The following MAN1A2 variants were observed in gnomAD, a reference collection of about 807,000 sequenced individuals.
The protein encoded by MAN1A2 is mannosidase alpha class 1A member 2.
MAN1A2 carries 26 observed loss-of-function variants against 75.7 expected under a neutral mutation model. The ratio of observed to expected loss-of-function variants is 0.34; its 90% CI spans 0.25 to 0.48. The LOEUF (loss-of-function observed/expected upper bound fraction) is 0.48. Among genes scored for constraint, MAN1A2 ranks in the 20% least tolerant of loss-of-function variants. The pLI, the probability that MAN1A2 is intolerant of heterozygous loss-of-function variation, is 0.99. For missense variants in MAN1A2, 562 were observed against 775.5 expected (o/e 0.72, Z 3.27); for synonymous variants, 247 against 264.6 (o/e 0.93, Z 0.65).
intron 5 of MAN1A2, among the ~76,000 whole-genome samples, chr1:117,431,637 A>G (rs1408461046): frequency 6.6e-6 from 1 of 152,220 alleles, no homozygotes; most frequent in Non-Finnish European, 1.5e-5. Context: ...CATTCAGTCA[A>G]TTTAAAAAGT....
intron 8 of MAN1A2, among the ~76,000 whole-genome samples, chr1:117,485,525 G>A (rs1650644661): frequency 1.3e-5 from 2 of 151,944 alleles, no homozygotes; most frequent in Non-Finnish European, 2.9e-5. Flanking sequence ...AATGGCTACA[G>A]AGGGACTACA....
At chr1:117,496,519 C>A (rs1227467135) in intron 9 of MAN1A2, among the ~76,000 whole-genome samples, 1 of 151,954 alleles carries the variant, frequency 6.6e-6, no homozygotes, top group Non-Finnish European at 1.5e-5. Context: ...AGAAGGTAAT[C>A]TTTAGGCCAA....
intron 6 of MAN1A2, among the ~76,000 whole-genome samples, chr1:117,453,829 G>C (rs931501692): frequency 1.3e-5 from 2 of 152,134 alleles, no homozygotes. Flanking sequence ...CTTTCGTCTT[G>C]CAGAGAAATC....
chr1:117,439,497 A>G (rs1429644665), intron 5 of MAN1A2, among the ~76,000 whole-genome samples: 1 of 147,200 alleles, frequency 6.8e-6, no homozygotes, highest in Non-Finnish European at 1.5e-5. Flanking sequence ...GTGTTGTCTT[A>G]CTTTTTTTTT....
intron 8 of MAN1A2, among the ~76,000 whole-genome samples, chr1:117,476,540 T>G (rs1243397761): frequency 6.6e-6 from 1 of 152,004 alleles, no homozygotes; most frequent in Admixed American, 6.6e-5. Flanking sequence ...TTGTCTAAGG[T>G]GTAAGGAAGG....
intron 2 of MAN1A2, among the ~76,000 whole-genome samples, chr1:117,403,695 G>A (rs932747861): frequency 9.2e-5 from 14 of 152,012 alleles, no homozygotes; most frequent in South Asian, 8.3e-4. Context: ...TTTCTTATAC[G>A]TAGTCATGTC....
At position 117,385,368 on chromosome 1, in the gene MAN1A2, T is replaced by G. The variant is rs539641998; in HGVS notation, c.303-16818T>G. ...CTATATAGGTGAGTTCCTTGCTAAG[T>G]TCCAGGTCTCTTCCTAGATTCCTGA... On this transcript the variant is annotated intron_variant, in intron 1 of 12. Coordinates refer to ENST00000356554, the MANE Select transcript of MAN1A2 (RefSeq NM_006699.5). Among the ~76,000 whole-genome samples, 14 of 152,328 alleles carry G rather than the reference T, an allele frequency of 9.2e-5. No individual in the cohort carries two copies. In the East Asian group the frequency reaches 2.5e-3, roughly 27 times the overall value.
Position 117,445,890 on chromosome 1 carries a change from A to ATATATATATATATATG in MAN1A2, c.950+3574_950+3575insATATATGTATATATAT, listed in dbSNP as rs1255354380. 3.0e-3 allele frequency among the ~76,000 whole-genome samples: 428 copies of ATATATATATATATATG among 142,160 alleles called. 12 individuals carry two copies. The highest frequency in any genetic ancestry group is 4.7e-3 in the Non-Finnish European group (303 of 64,516). The allele number at this position is 142,160 out of a possible 152,430, so 93.3% of individuals were successfully genotyped here. On this transcript the variant is annotated intron_variant, in intron 6 of 12. Coordinates refer to ENST00000356554, the MANE Select transcript of MAN1A2 (RefSeq NM_006699.5). ...TGTGTGTGTCTGTGTGTGTGTATAT[A>ATATATATATATATATG]TATATATATGTATATATGTAAATTT...
chr1:117,395,338 CT>C (rs1252081151), intron 1 of MAN1A2, among the ~76,000 whole-genome samples: 5 of 152,202 alleles, frequency 3.3e-5, no homozygotes, highest in Non-Finnish European at 7.4e-5. Flanking sequence ...CTAGACTCTA[CT>C]TACTAGCTCC....
At chr1:117,399,246 A>C (rs1647328989) in intron 1 of MAN1A2, among the ~76,000 whole-genome samples, 1 of 152,204 alleles carries the variant, frequency 6.6e-6, no homozygotes, top group African/African-American at 2.4e-5. Context: ...GTGGAAGCTC[A>C]CTGGTAGGTG....
In MAN1A2 at chr1:117,417,411, T is replaced by A. The variant is rs1434899893; in HGVS notation, c.774+2580T>A. ...TTGCTACCTATATTATGATCATACT[T>A]TTCATTTGTTTTTAGTTTGTTTTCC... On this transcript the variant is annotated intron_variant, in intron 4 of 12. Coordinates refer to ENST00000356554, the MANE Select transcript of MAN1A2 (RefSeq NM_006699.5). Among the ~76,000 whole-genome samples, 7 of 151,042 alleles carry A rather than the reference T, an allele frequency of 4.6e-5. No homozygotes were observed. The South Asian group carries it at 1.3e-3, about 27-fold the overall frequency.
intron 8 of MAN1A2, among the ~76,000 whole-genome samples, chr1:117,474,580 T>C (rs1372790315): frequency 2.0e-5 from 3 of 150,760 alleles, no homozygotes; most frequent in Non-Finnish European, 4.4e-5. Flanking sequence ...AGTTTGAGAG[T>C]CTCAGTGTTT....
At chr1:117,461,851 T>G (rs950542356) in intron 7 of MAN1A2, among the ~76,000 whole-genome samples, 3 of 152,110 alleles carry the variant, frequency 2.0e-5, no homozygotes, top group African/African-American at 7.2e-5. Flanking sequence ...ATGGCCTTTT[T>G]CCTCCCAGTG....
chr1:117,520,819 C>G (rs1651848445), intron 12 of MAN1A2, among the ~76,000 whole-genome samples: 1 of 151,776 alleles, frequency 6.6e-6, no homozygotes, highest in African/African-American at 2.4e-5. Context: ...GAAAAAACAT[C>G]CTAAAATTCA....
At chr1:117,495,621 G>A (rs1446271048) in intron 9 of MAN1A2, among the ~76,000 whole-genome samples, 3 of 151,684 alleles carry the variant, frequency 2.0e-5, no homozygotes, top group Non-Finnish European at 2.9e-5. Flanking sequence ...AAGTCCAGGT[G>A]GATATGCTTG....
intron 12 of MAN1A2, chr1:117,514,721 G>A (rs1651659765): frequency 2.2e-6 from 1 of 452,682 alleles, no homozygotes; most frequent in Non-Finnish European, 4.5e-6. Flanking sequence ...TTTGGAGAGA[G>A]AGAATCAGTG....
intron 8 of MAN1A2, among the ~76,000 whole-genome samples, chr1:117,478,651 A>G (rs1354706376): frequency 6.6e-6 from 1 of 151,962 alleles, no homozygotes; most frequent in Non-Finnish European, 1.5e-5. Context: ...TTATTTCAGC[A>G]TCATTGGTTG....
intron 6 of MAN1A2, among the ~76,000 whole-genome samples, chr1:117,447,455 A>G (rs1164977920): frequency 6.6e-6 from 1 of 152,084 alleles, no homozygotes; most frequent in Non-Finnish European, 1.5e-5. Context: ...GTATGTGTAC[A>G]TAGACATGTG....
At chr1:117,472,637 A>G (rs1157875003) in intron 8 of MAN1A2, among the ~76,000 whole-genome samples, 1 of 151,938 alleles carries the variant, frequency 6.6e-6, no homozygotes, top group Non-Finnish European at 1.5e-5. Context: ...TGCTTTTCTC[A>G]TAGCCTTACT....
Sources: gnomAD v4.1 joint callset for allele counts (sites outside exome capture counted in the v4.1 genomes callset) on GRCh38, gnomAD v4.1.1 for gene constraint, MANE v1.5 for transcripts, NCBI Gene and HGNC (gene_info 2026-07-23, HGNC 2026-07-21) for gene names.